Variants in CNTN5 observed in about 807,000 individuals in gnomAD.
CNTN5 encodes the protein contactin-5.
In CNTN5, 77 loss-of-function variants were observed where a neutral mutation model predicts 129.1. The observed-to-expected ratio is 0.60, with a 90% CI of 0.50 to 0.72. The LOEUF is 0.72. Ranked by LOEUF, CNTN5 falls within the 30% of genes least tolerant of loss-of-function variation. The pLI is 0.00. For synonymous variants in CNTN5, 509 were observed against 465.6 expected, an observed-to-expected ratio of 1.09 and a Z score of -1.20; for missense variants, 1,478 against 1,328.8, an observed-to-expected ratio of 1.11 and a Z score of -1.75.
chr11:99,342,427 G>A (rs1314384324), intron 2 of CNTN5, among the ~76,000 whole-genome samples: 6 of 151,524 alleles, frequency 4.0e-5, no homozygotes, highest in Non-Finnish European at 8.8e-5. Flanking sequence ...TTGAAATGGT[G>A]TCATTTTATT....
intron 6 of CNTN5, among the ~76,000 whole-genome samples, chr11:99,885,883 C>G (rs2135880351): frequency 6.6e-6 from 1 of 152,200 alleles, no homozygotes; most frequent in East Asian, 1.9e-4. Flanking sequence ...TTTTCCAAAA[C>G]TGATTCAAGA....
intron 1 of CNTN5, among the ~76,000 whole-genome samples, chr11:99,301,880 G>A (rs11219273): frequency 0.051 from 7,752 of 151,434 alleles, 631 homozygotes; most frequent in African/African-American, 0.18. Flanking sequence ...TGTAAAGTAT[G>A]GACTCAAAAC....
At chr11:99,975,075 C>T (rs920071856) in intron 8 of CNTN5, among the ~76,000 whole-genome samples, 21 of 152,290 alleles carry the variant, frequency 1.4e-4, no homozygotes, top group Non-Finnish European at 2.8e-4. Flanking sequence ...CGGCCATTGC[C>T]GCAGGCCCTT....
intron 7 of CNTN5, among the ~76,000 whole-genome samples, chr11:99,923,753 G>GTCTATCTATCTATCTATCTA (rs1353477282): frequency 9.0e-4 from 105 of 116,294 alleles, no homozygotes; most frequent in Middle Eastern, 4.5e-3. Context: ...TAATCTATCT[G>GTCTATCTATCTATCTATCTA]TCTGTCTATC....
intron 1 of CNTN5, among the ~76,000 whole-genome samples, chr11:99,104,159 A>G (rs533501567): frequency 6.6e-6 from 1 of 152,302 alleles, no homozygotes; most frequent in South Asian, 2.1e-4. Context: ...AATGTATTTT[A>G]AACGTCATCT....
At chr11:99,028,012 C>T (rs1357181806) in intron 1 of CNTN5, among the ~76,000 whole-genome samples, 1 of 151,602 alleles carries the variant, frequency 6.6e-6, no homozygotes, top group African/African-American at 2.4e-5. Flanking sequence ...CCTTGAAGCC[C>T]AATGAATAGT....
intron 21 of CNTN5, among the ~76,000 whole-genome samples, chr11:100,320,388 GTTAAT>G (rs976744590): frequency 4.6e-5 from 7 of 151,866 alleles, no homozygotes; most frequent in Non-Finnish European, 8.8e-5. Context: ...TTTTTAATCG[GTTAAT>G]TTGTTTTCTT....
chr11:100,348,373 C>T (rs1487226981), intron 23 of CNTN5, among the ~76,000 whole-genome samples: 8 of 151,982 alleles, frequency 5.3e-5, no homozygotes, highest in Non-Finnish European at 4.4e-5. Flanking sequence ...CACTCCATCT[C>T]CCTGGATATA....
chr11:99,896,826 C>T (rs1263851726), intron 6 of CNTN5, among the ~76,000 whole-genome samples: 1 of 152,148 alleles, frequency 6.6e-6, no homozygotes, highest in African/African-American at 2.4e-5. Flanking sequence ...GGTTCCTGCT[C>T]TTCCAATGAA....
chr11:99,068,433 T>C (rs1238528473), intron 1 of CNTN5, among the ~76,000 whole-genome samples: 5 of 152,136 alleles, frequency 3.3e-5, no homozygotes, highest in Admixed American at 2.6e-4. Flanking sequence ...AATTCCTAGA[T>C]GGTCTAGAGT....
chr11:99,374,245 T>C (rs372952164), intron 2 of CNTN5, among the ~76,000 whole-genome samples: 1 of 152,202 alleles, frequency 6.6e-6, no homozygotes, highest in African/African-American at 2.4e-5. Context: ...TAACTTCACA[T>C]TTGTTTTCTC....
intron 2 of CNTN5, among the ~76,000 whole-genome samples, chr11:99,418,356 C>T (rs1427601235): frequency 2.6e-5 from 4 of 151,944 alleles, no homozygotes; most frequent in Admixed American, 6.6e-5. Context: ...TGTTTTGGCA[C>T]ATTTCTTTAA....
chr11:99,553,973 C>CACAT (rs1333770247), intron 2 of CNTN5, among the ~76,000 whole-genome samples: 7 of 118,916 alleles, frequency 5.9e-5, no homozygotes, highest in Non-Finnish European at 1.0e-4. Flanking sequence ...AATACACACA[C>CACAT]ACACACACAC....
chr11:100,095,195 G>A (rs1312023040), intron 13 of CNTN5, among the ~76,000 whole-genome samples: 1 of 151,990 alleles, frequency 6.6e-6, no homozygotes, highest in Middle Eastern at 3.4e-3. Context: ...TTTTTTTTCT[G>A]CAATTACAAA....
intron 13 of CNTN5, among the ~76,000 whole-genome samples, chr11:100,141,328 G>A (rs1228241450): frequency 6.6e-6 from 1 of 152,086 alleles, no homozygotes; most frequent in African/African-American, 2.4e-5. Flanking sequence ...AGAAAGTGTT[G>A]ACGAGACTGC....
chr11:99,336,694 G>A (rs553725595), intron 2 of CNTN5, among the ~76,000 whole-genome samples: 1 of 152,010 alleles, frequency 6.6e-6, no homozygotes. Context: ...ACGACAATTA[G>A]CTGGGCATGG....
At chr11:99,533,705 G>A (rs7118196) in intron 2 of CNTN5, among the ~76,000 whole-genome samples, 3,017 of 152,318 alleles carry the variant, frequency 0.02, 103 homozygotes, top group African/African-American at 0.068. Flanking sequence ...ATGCCTAAAG[G>A]TTGGAACTCA....
At chr11:99,702,241 AT>A (rs1299002701) in intron 3 of CNTN5, among the ~76,000 whole-genome samples, 2 of 150,926 alleles carry the variant, frequency 1.3e-5, no homozygotes, top group Non-Finnish European at 3.0e-5. Context: ...ACCTAACCAT[AT>A]TTTTAAGGTA....
chr11:99,586,921 G>C (rs560844551), intron 3 of CNTN5, among the ~76,000 whole-genome samples: 1 of 152,314 alleles, frequency 6.6e-6, no homozygotes, highest in East Asian at 1.9e-4. Flanking sequence ...ATCCAGGAAC[G>C]TTAATGCACC....
Sources: allele counts gnomAD v4.1 joint callset (sites outside exome capture counted in the v4.1 genomes callset), GRCh38; gene constraint gnomAD v4.1.1; transcripts MANE v1.5; gene names NCBI Gene and HGNC (gene_info 2026-07-23, HGNC 2026-07-21).